The following MAF variants were observed in gnomAD, a reference collection of about 807,000 sequenced individuals.
The protein encoded by MAF is transcription factor Maf.
A neutral mutation model predicts 22.0 loss-of-function variants in MAF; 10 were observed. The observed-to-expected ratio is 0.45, with a 90% CI of 0.28 to 0.77. MAF has a LOEUF of 0.77. Ranked by LOEUF, MAF falls within the 30% of genes least tolerant of loss-of-function variation. MAF has a pLI of 0.12. For synonymous variants in MAF, 337 were observed against 255.8 expected, an observed-to-expected ratio of 1.32 and a Z score of -3.03; for missense variants, 544 against 548.4, an observed-to-expected ratio of 0.99 and a Z score of 0.08.
chr16:79,514,250 C>T, the MAF span, among the ~76,000 whole-genome samples: 8 of 152,190 alleles, frequency 5.3e-5, no homozygotes, highest in Admixed American at 1.3e-4. Context: ...ACCTTGAACG[C>T]GCAGCTTGTC....
chr16:79,379,087 G>A, the MAF span, among the ~76,000 whole-genome samples: 12 of 152,328 alleles, frequency 7.9e-5, no homozygotes, highest in Admixed American at 2.6e-4. Context: ...GAGTCAGCTT[G>A]TGACAAAGCT....
the MAF span, among the ~76,000 whole-genome samples, chr16:79,458,922 C>T: frequency 3.3e-5 from 5 of 152,166 alleles, no homozygotes. Flanking sequence ...CAGGAAAATG[C>T]AGGGAAAGAT....
chr16:79,482,367 C>T, the MAF span, among the ~76,000 whole-genome samples: 2 of 152,298 alleles, frequency 1.3e-5, no homozygotes, highest in East Asian at 3.9e-4. Context: ...AGGCTTACCA[C>T]CGCCTTCTGC....
the MAF span, among the ~76,000 whole-genome samples, chr16:79,485,923 A>T: frequency 6.6e-6 from 1 of 152,160 alleles, no homozygotes; most frequent in Non-Finnish European, 1.5e-5. Context: ...TCCAACCAAT[A>T]ATGGGATAGA....
the MAF span, among the ~76,000 whole-genome samples, chr16:79,281,703 C>T: frequency 3.4e-4 from 51 of 152,178 alleles, no homozygotes; most frequent in African/African-American, 9.4e-4. Flanking sequence ...TGCACCACCA[C>T]GCCTAGCTAA....
chr16:79,351,176 G>A, the MAF span, among the ~76,000 whole-genome samples: 6 of 152,094 alleles, frequency 3.9e-5, no homozygotes, highest in African/African-American at 1.2e-4. Flanking sequence ...TTCTCTTTTT[G>A]CATTTGGAAA....
the MAF span, among the ~76,000 whole-genome samples, chr16:79,324,166 C>A: frequency 6.6e-6 from 1 of 152,212 alleles, no homozygotes; most frequent in Non-Finnish European, 1.5e-5. Flanking sequence ...ATGTTCCCAT[C>A]TGTAAAATGT....
At chr16:79,242,279 G>T in the MAF span, among the ~76,000 whole-genome samples, 4 of 151,404 alleles carry the variant, frequency 2.6e-5, 1 homozygote, top group Admixed American at 6.6e-5. Flanking sequence ...ATAGGTGTGT[G>T]GTATTCAGGA....
chr16:79,489,242 C>T, the MAF span, among the ~76,000 whole-genome samples: 41 of 152,284 alleles, frequency 2.7e-4, no homozygotes, highest in South Asian at 8.5e-3. Flanking sequence ...TCCATCTACT[C>T]ATCCATCTAT....
chr16:79,589,359 G>A (rs1314359210), downstream of MAF, among the ~76,000 whole-genome samples: 4 of 152,096 alleles, frequency 2.6e-5, no homozygotes, highest in African/African-American at 9.7e-5. Context: ...TTTATAATGT[G>A]CATCAAACTA....
chr16:79,474,323 G>A, the MAF span, among the ~76,000 whole-genome samples: 1 of 152,188 alleles, frequency 6.6e-6, no homozygotes, highest in Non-Finnish European at 1.5e-5. Flanking sequence ...TTATAAAAAT[G>A]CCTATCTCCC....
At chr16:79,420,409 C>CA in the MAF span, among the ~76,000 whole-genome samples, 9 of 152,098 alleles carry the variant, frequency 5.9e-5, no homozygotes, top group Middle Eastern at 3.4e-3. Flanking sequence ...CTTCCCACGC[C>CA]AAAAAAACAA....
At chr16:79,333,458 C>A in the MAF span, among the ~76,000 whole-genome samples, 1,615 of 152,260 alleles carry the variant, frequency 0.011, 33 homozygotes, top group African/African-American at 0.036. Flanking sequence ...TACGACGGAC[C>A]ATGTCAGCGG....
At chr16:79,359,598 G>T in the MAF span, among the ~76,000 whole-genome samples, 1 of 152,198 alleles carries the variant, frequency 6.6e-6, no homozygotes, top group Non-Finnish European at 1.5e-5. Context: ...AGCTAAGGAG[G>T]AGAATTCAGA....
At chr16:79,236,060 C>T in the MAF span, among the ~76,000 whole-genome samples, 1 of 152,040 alleles carries the variant, frequency 6.6e-6, no homozygotes, top group African/African-American at 2.4e-5. Context: ...CCTGACACTC[C>T]CATAGTCCAT....
the MAF span, among the ~76,000 whole-genome samples, chr16:79,479,182 G>A: frequency 0.022 from 3,394 of 152,216 alleles, 131 homozygotes; most frequent in African/African-American, 0.078. Context: ...ATGTGCTCGT[G>A]CACCACCCCA....
the MAF span, among the ~76,000 whole-genome samples, chr16:79,235,795 C>T: frequency 6.6e-6 from 1 of 151,970 alleles, no homozygotes; most frequent in Non-Finnish European, 1.5e-5. Flanking sequence ...ACACCACAGG[C>T]ACACCACTAG....
chr16:79,328,112 A>C, the MAF span, among the ~76,000 whole-genome samples: 2 of 152,210 alleles, frequency 1.3e-5, no homozygotes, highest in Non-Finnish European at 2.9e-5. Context: ...TGCAGCATGC[A>C]TTAAGAAAAT....
the MAF span, among the ~76,000 whole-genome samples, chr16:79,441,855 G>A: frequency 6.6e-6 from 1 of 152,200 alleles, no homozygotes; most frequent in African/African-American, 2.4e-5. Flanking sequence ...TAAGAATGTC[G>A]AGGTAAAATT....
Sources: gnomAD v4.1 joint callset for allele counts (sites outside exome capture counted in the v4.1 genomes callset) on GRCh38, gnomAD v4.1.1 for gene constraint, MANE v1.5 for transcripts, NCBI Gene and HGNC (gene_info 2026-07-23, HGNC 2026-07-21) for gene names.